Variants in XYLT1 observed in about 807,000 individuals in gnomAD.
XYLT1 encodes xylosyltransferase 1, also known as beta-D-xylosyltransferase 1.
In XYLT1, 36 loss-of-function variants were observed where a neutral mutation model predicts 91.3. The observed-to-expected ratio is 0.39, with a 90% confidence interval of 0.30 to 0.52. The LOEUF is 0.52. XYLT1 is among the 20% of genes least tolerant of loss of function. The pLI is 0.68. For missense variants in XYLT1, 1,242 were observed against 1,284.5 expected (o/e 0.97, Z 0.51); for synonymous variants, 588 against 532.0 (o/e 1.11, Z -1.45).
At chr16:17,276,073 A>G (rs2033968865) in intron 2 of XYLT1, among the ~76,000 whole-genome samples, 1 of 152,242 alleles carries the variant, frequency 6.6e-6, no homozygotes, top group Admixed American at 6.5e-5. Flanking sequence ...GAGAGAAAGA[A>G]ATAGGCTCCT....
chr16:17,390,319 A>G (rs536332503), intron 1 of XYLT1, among the ~76,000 whole-genome samples: 1 of 152,356 alleles, frequency 6.6e-6, no homozygotes. Context: ...AACGAGGCAG[A>G]CACAGGAGGA....
intron 3 of XYLT1, among the ~76,000 whole-genome samples, chr16:17,253,569 A>G (rs1287839956): frequency 6.6e-6 from 1 of 152,132 alleles, no homozygotes; most frequent in African/African-American, 2.4e-5. Context: ...ACTACCAGGT[A>G]CAGTTCTTAG....
At chr16:17,232,429 G>GTGTGTGTGTATATATATA (rs1194509016) in intron 3 of XYLT1, among the ~76,000 whole-genome samples, 61 of 121,700 alleles carry the variant, frequency 5.0e-4, no homozygotes, top group Non-Finnish European at 8.9e-4. Flanking sequence ...GTGTGTGTGT[G>GTGTGTGTGTATATATATA]TATATATATA....
rs564099932 is a variant in XYLT1, at chr16:17,355,643, C to T, written c.402+2369G>A. ...AAAAATATATAACTAGCCCTTCAAACTTGTGGTTCCATGAATATTATTGCT... is the reference window on the plus strand; with the variant it reads ...AAAAATATATAACTAGCCCTTCAAATTTGTGGTTCCATGAATATTATTGCT... On this transcript the variant is annotated intron_variant, in intron 2 of 11. Coordinates refer to ENST00000261381, the MANE Select transcript of XYLT1 (RefSeq NM_022166.4). Among the ~76,000 whole-genome samples, 5 of 151,988 alleles carry T rather than the reference C, an allele frequency of 3.3e-5. 1 individual carries two copies. In the South Asian group the frequency reaches 1.0e-3, roughly 32 times the overall value.
intron 3 of XYLT1, among the ~76,000 whole-genome samples, chr16:17,243,304 T>C (rs900055685): frequency 2.0e-5 from 3 of 152,212 alleles, no homozygotes; most frequent in African/African-American, 7.2e-5. Flanking sequence ...AGCCTGCCAA[T>C]CCCTTTGTTA....
At chr16:17,352,387 T>C (rs4781993) in intron 2 of XYLT1, among the ~76,000 whole-genome samples, 74,170 of 151,960 alleles carry the variant, frequency 0.49, 20,135 homozygotes, top group African/African-American at 0.72. Flanking sequence ...TCTCTCCTTC[T>C]CTCCTACCTC....
intron 5 of XYLT1, among the ~76,000 whole-genome samples, chr16:17,195,142 G>C (rs748881305): frequency 9.2e-5 from 14 of 152,214 alleles, no homozygotes; most frequent in Non-Finnish European, 1.8e-4. Flanking sequence ...ATCTGTGGTT[G>C]GCAAAAGTGG....
intron 1 of XYLT1, among the ~76,000 whole-genome samples, chr16:17,458,686 G>A (rs995175496): frequency 1.3e-4 from 20 of 152,156 alleles, no homozygotes; most frequent in African/African-American, 4.1e-4. Flanking sequence ...TTCCTTGATC[G>A]TCATTAACCA....
intron 5 of XYLT1, among the ~76,000 whole-genome samples, chr16:17,176,056 T>C (rs1422747621): frequency 3.4e-5 from 5 of 148,232 alleles, no homozygotes; most frequent in South Asian, 2.2e-4. Flanking sequence ...AAAAATGCGG[T>C]AAAATATCAG....
chr16:17,266,038 T>C (rs2033798497), intron 2 of XYLT1, among the ~76,000 whole-genome samples: 1 of 152,176 alleles, frequency 6.6e-6, no homozygotes, highest in Admixed American at 6.5e-5. Flanking sequence ...CTTCAGCTCA[T>C]TAAAACAATT....
intron 8 of XYLT1, among the ~76,000 whole-genome samples, chr16:17,137,308 G>A (rs949694019): frequency 7.2e-5 from 11 of 152,124 alleles, no homozygotes; most frequent in South Asian, 2.1e-4. Flanking sequence ...CACACAGCCC[G>A]GCACAGAGGA....
intron 4 of XYLT1, among the ~76,000 whole-genome samples, chr16:17,198,986 C>T (rs575397877): frequency 5.9e-5 from 9 of 152,310 alleles, no homozygotes; most frequent in African/African-American, 1.2e-4. Context: ...TCAGGTGATC[C>T]GCCCACCTTG....
chr16:17,274,899 G>T (rs1459127068), intron 2 of XYLT1, among the ~76,000 whole-genome samples: 1 of 152,076 alleles, frequency 6.6e-6, no homozygotes, highest in African/African-American at 2.4e-5. Context: ...GAGCAGGGCC[G>T]GGCACGGTGG....
intron 2 of XYLT1, among the ~76,000 whole-genome samples, chr16:17,282,179 G>A (rs1407073202): frequency 6.6e-6 from 1 of 152,174 alleles, no homozygotes; most frequent in Non-Finnish European, 1.5e-5. Context: ...GCCCTAGGGG[G>A]CAAACACAGT....
chr16:17,376,152 G>C (rs1035288278), intron 1 of XYLT1, among the ~76,000 whole-genome samples: 3 of 152,230 alleles, frequency 2.0e-5, no homozygotes, highest in Admixed American at 6.5e-5. Context: ...CTCAACCAGG[G>C]GGGTGGTTTT....
intron 1 of XYLT1, among the ~76,000 whole-genome samples, chr16:17,410,198 T>C (rs1406715010): frequency 6.6e-6 from 1 of 152,174 alleles, no homozygotes; most frequent in African/African-American, 2.4e-5. Flanking sequence ...TCCAAAAGTA[T>C]TGATACAAAA....
chr16:17,166,792 C>G (rs1394343031), intron 5 of XYLT1, among the ~76,000 whole-genome samples: 4 of 151,920 alleles, frequency 2.6e-5, no homozygotes, highest in African/African-American at 9.7e-5. Flanking sequence ...GGACCACAGA[C>G]ATGAGGCCCT....
At chr16:17,225,391 C>T (rs1186162038) in intron 3 of XYLT1, among the ~76,000 whole-genome samples, 2 of 152,068 alleles carry the variant, frequency 1.3e-5, no homozygotes, top group African/African-American at 2.4e-5. Context: ...AGTGTCAAGA[C>T]GGTGAAAGCA....
At chr16:17,407,247 C>A (rs534417467) in intron 1 of XYLT1, among the ~76,000 whole-genome samples, 151 of 152,258 alleles carry the variant, frequency 9.9e-4, no homozygotes, top group Non-Finnish European at 6.9e-4. Context: ...GATCTGCCTG[C>A]CTCGGCCTCC....
Sources: gnomAD v4.1 joint callset for allele counts (sites outside exome capture counted in the v4.1 genomes callset) on GRCh38, gnomAD v4.1.1 for gene constraint, MANE v1.5 for transcripts, NCBI Gene and HGNC (gene_info 2026-07-23, HGNC 2026-07-21) for gene names.